Variants in TSPEAR observed in about 807,000 individuals in gnomAD.
TSPEAR encodes thrombospondin type laminin G domain and EAR repeats.
Under a neutral mutation model 71.6 loss-of-function variants are expected in TSPEAR, and 69 were observed. The observed-to-expected ratio is 0.96, with a 90% CI of 0.79 to 1.18. The LOEUF (loss-of-function observed/expected upper bound fraction) is 1.18. TSPEAR is among the 50% of genes most tolerant of loss of function. TSPEAR has a pLI of 0.00. For synonymous variants in TSPEAR, 402 were observed against 387.2 expected, an observed-to-expected ratio of 1.04 and a Z score of -0.45; for missense variants, 971 against 894.9, an observed-to-expected ratio of 1.09 and a Z score of -1.09.
chr21:44,568,387 G>T (rs1318906141), intron 1 of TSPEAR, among the ~76,000 whole-genome samples: 2 of 152,238 alleles, frequency 1.3e-5, no homozygotes, highest in Non-Finnish European at 2.9e-5. Context: ...AACGCAGGAA[G>T]CGGCTGGGAA....
intron 1 of TSPEAR, among the ~76,000 whole-genome samples, chr21:44,589,654 C>T (rs587599643): frequency 1.5e-4 from 23 of 152,322 alleles, no homozygotes; most frequent in African/African-American, 2.4e-4. Flanking sequence ...AGGTGAGACC[C>T]CCCCACCAGG....
At chr21:44,613,303 G>C (rs1569219862) in intron 1 of TSPEAR, among the ~76,000 whole-genome samples, 1 of 152,180 alleles carries the variant, frequency 6.6e-6, no homozygotes, top group Non-Finnish European at 1.5e-5. Context: ...ACTTAACCTA[G>C]AAGTCACAAG....
At position 44,627,584 on chromosome 21, in the gene TSPEAR, C is replaced by A. The variant is rs370125305; in HGVS notation, c.83-59579G>T. On this transcript the variant is annotated intron_variant, in intron 1 of 11. Coordinates refer to ENST00000323084, the MANE Select transcript of TSPEAR (RefSeq NM_144991.3). ...TGCTGTGCCTCTTCCTCCTGCCAGC[C>A]GGCCTGCTGTGTGCCCGTCTGCTGC... 14 of 1,612,308 alleles carry A rather than the reference C, an allele frequency of 8.7e-6. No homozygotes were observed. The highest frequency in any genetic ancestry group is 3.3e-4 in the Middle Eastern group (2 of 6,060).
chr21:44,665,045 C>T (rs781999354), intron 1 of TSPEAR, among the ~76,000 whole-genome samples: 5 of 152,172 alleles, frequency 3.3e-5, no homozygotes, highest in South Asian at 2.1e-4. Context: ...AGTGTGTGCA[C>T]GTTGTATAGT....
chr21:44,680,028 T>C (rs1337783799), intron 1 of TSPEAR, among the ~76,000 whole-genome samples: 1 of 152,024 alleles, frequency 6.6e-6, no homozygotes, highest in East Asian at 1.9e-4. Flanking sequence ...AAAACCAAAA[T>C]AGACAAATGA....
intron 1 of TSPEAR, among the ~76,000 whole-genome samples, chr21:44,708,779 G>C (rs1988068309): frequency 6.6e-6 from 1 of 152,192 alleles, no homozygotes; most frequent in Non-Finnish European, 1.5e-5. Context: ...CACAGCCCGC[G>C]GGACCTCACA....
At chr21:44,620,471 T>C (rs1405631584) in intron 1 of TSPEAR, among the ~76,000 whole-genome samples, 2 of 152,266 alleles carry the variant, frequency 1.3e-5, no homozygotes, top group Non-Finnish European at 2.9e-5. Context: ...CAAATATTCA[T>C]AGTATTCCTT....
intron 9 of TSPEAR, chr21:44,518,497 TTTCTC>T (rs1233000892): frequency 1.3e-5 from 5 of 391,324 alleles, no homozygotes; most frequent in African/African-American, 1.1e-4. Context: ...GCAGGGATCC[TTTCTC>T]TTGTCACCTC....
At chr21:44,535,175 G>A (rs1002142380) in intron 2 of TSPEAR, among the ~76,000 whole-genome samples, 5 of 152,126 alleles carry the variant, frequency 3.3e-5, no homozygotes, top group African/African-American at 4.8e-5. Flanking sequence ...CAACATGGAT[G>A]TCCTGAATGC....
intron 1 of TSPEAR, chr21:44,627,861 T>C (rs782350496): frequency 9.9e-6 from 16 of 1,613,188 alleles, no homozygotes; most frequent in Middle Eastern, 1.6e-4. Flanking sequence ...CCTCCTCCTC[T>C]GTGTCCCTCC....
intron 1 of TSPEAR, among the ~76,000 whole-genome samples, chr21:44,573,466 A>C (rs781885338): frequency 3.4e-4 from 52 of 152,188 alleles, no homozygotes; most frequent in Non-Finnish European, 6.8e-4. Context: ...CACAGCCTGA[A>C]CTGCCCCTCA....
At chr21:44,503,599 G>C (rs1381272655) in intron 11 of TSPEAR, among the ~76,000 whole-genome samples, 3 of 136,718 alleles carry the variant, frequency 2.2e-5, no homozygotes, top group African/African-American at 2.8e-5. Flanking sequence ...GAGCCCTCAG[G>C]GGGAAGCAAG....
chr21:44,687,165 C>G lies in TSPEAR; in HGVS notation c.82+24268G>C, dbSNP rs894662199. 2.6e-5 allele frequency among the ~76,000 whole-genome samples: 4 copies of G among 152,160 alleles called. No individual in the cohort carries two copies. Among genetic ancestry groups the G allele is most frequent in the Non-Finnish European group, 5.9e-5 (4 of 68,026 alleles). Reference sequence around the variant, plus strand: ...TGCCTTCGGGTGTCAGAAGGGCTTTCCCCCAGCACGCGTTTCCCCAGAGGC... The same window carrying G: ...TGCCTTCGGGTGTCAGAAGGGCTTTGCCCCAGCACGCGTTTCCCCAGAGGC... On this transcript the variant is annotated intron_variant, in intron 1 of 11. Transcript: ENST00000323084. The surrounding 1 kb of genome is among the most constrained non-coding windows in gnomAD (Gnocchi z 4.4).
In TSPEAR at chr21:44,612,549, G is replaced by C. The variant is rs150382805; in HGVS notation, c.83-44544C>G. ...TCCTCCCCATGCTGCCAGCAGTCTA[G>C]CTGCCAGTCAGCTTGCTGCACCTTC... On this transcript the variant is annotated intron_variant, in intron 1 of 11. Coordinates refer to ENST00000323084, the MANE Select transcript of TSPEAR (RefSeq NM_144991.3). The surrounding 1 kb of genome is among the most constrained non-coding windows in gnomAD (Gnocchi z 4.1). 7.5e-5 allele frequency: 121 copies of C among 1,614,058 alleles called. No homozygotes were observed. In the African/African-American group the frequency reaches 1.1e-3, roughly 15 times the overall value.
chr21:44,600,990 G>A (rs1379523915), intron 1 of TSPEAR: 1 of 1,609,352 alleles, frequency 6.2e-7, no homozygotes, highest in African/African-American at 1.4e-5. Context: ...GCAAGCCTGT[G>A]TACTGTGTGC....
At chr21:44,641,309 G>A (rs1984007233) in intron 1 of TSPEAR, among the ~76,000 whole-genome samples, 1 of 152,174 alleles carries the variant, frequency 6.6e-6, no homozygotes, top group Non-Finnish European at 1.5e-5. Flanking sequence ...GGAGGAAGAG[G>A]AGGAAGGAAA....
At chr21:44,648,307 C>G (rs587617369) in intron 1 of TSPEAR, among the ~76,000 whole-genome samples, 53 of 152,234 alleles carry the variant, frequency 3.5e-4, no homozygotes, top group African/African-American at 1.3e-3. Context: ...ACTAGTGAGA[C>G]CAGTCAGGTC....
intron 1 of TSPEAR, among the ~76,000 whole-genome samples, chr21:44,658,931 G>GA (rs1555943152): frequency 6.6e-6 from 1 of 152,136 alleles, no homozygotes; most frequent in Non-Finnish European, 1.5e-5. Flanking sequence ...CAGATCCCAT[G>GA]CAATACCTCA....
chr21:44,550,790 G>A, intron 2 of TSPEAR: 1 of 1,612,396 alleles, frequency 6.2e-7, no homozygotes, highest in Non-Finnish European at 8.5e-7. Flanking sequence ...GTCTGCAGCA[G>A]GAGGAGGTGC....
Sources: gnomAD v4.1 joint callset for allele counts (sites outside exome capture counted in the v4.1 genomes callset) on GRCh38, gnomAD v4.1.1 for gene constraint, Gnocchi (gnomAD v3.1) non-coding constraint, MANE v1.5 for transcripts, NCBI Gene and HGNC (gene_info 2026-07-23, HGNC 2026-07-21) for gene names.